The following NPEPPS variants were observed in gnomAD, a reference collection of about 807,000 sequenced individuals.
NPEPPS encodes puromycin-sensitive aminopeptidase.
A neutral mutation model predicts 115.5 loss-of-function variants in NPEPPS; 14 were observed. The observed-to-expected ratio is 0.12, with a 90% CI of 0.08 to 0.19. The LOEUF (loss-of-function observed/expected upper bound fraction) is 0.19, where lower values mean the gene tolerates loss of function less well. Ranked by LOEUF, NPEPPS falls within the 10% of genes least tolerant of loss-of-function variation. The pLI, the probability that NPEPPS is intolerant of heterozygous loss-of-function variation, is 1.00. For missense variants in NPEPPS, 523 were observed against 1,110.8 expected, an observed-to-expected ratio of 0.47 and a Z score of 7.52; for synonymous variants, 285 against 390.6, an observed-to-expected ratio of 0.73 and a Z score of 3.19.
chr17:47,593,487 G>A (rs1421642453), intron 12 of NPEPPS, among the ~76,000 whole-genome samples: 2 of 152,120 alleles, frequency 1.3e-5, no homozygotes, highest in Admixed American at 6.5e-5. Context: ...TTGAGCCCAG[G>A]AGTTTGAGGT....
At chr17:47,602,847 G>A (rs1913299585) in intron 15 of NPEPPS, among the ~76,000 whole-genome samples, 1 of 151,418 alleles carries the variant, frequency 6.6e-6, no homozygotes, top group Admixed American at 6.6e-5. Context: ...TATACTCACT[G>A]GAATATTACC....
chr17:47,566,491 G>A (rs1052653929), intron 2 of NPEPPS, among the ~76,000 whole-genome samples: 2 of 147,954 alleles, frequency 1.4e-5, no homozygotes, highest in African/African-American at 4.9e-5. Flanking sequence ...TTATTCAACA[G>A]CTGTAGGTTT....
chr17:47,530,638 T>G (rs1484534244), upstream of NPEPPS, among the ~76,000 whole-genome samples: 2 of 152,108 alleles, frequency 1.3e-5, no homozygotes, highest in African/African-American at 2.4e-5. Flanking sequence ...ATTACAGGCG[T>G]GAGACACTGC....
chr17:47,547,518 G>A (rs1202112770), intron 2 of NPEPPS, among the ~76,000 whole-genome samples: 1 of 151,892 alleles, frequency 6.6e-6, no homozygotes, highest in African/African-American at 2.4e-5. Context: ...GCTAATATTC[G>A]TATTTGTATT....
At chr17:47,611,473 A>G (rs917775659) in intron 17 of NPEPPS, among the ~76,000 whole-genome samples, 12 of 151,332 alleles carry the variant, frequency 7.9e-5, no homozygotes, top group East Asian at 4.0e-4. Flanking sequence ...AAAAAAAAAA[A>G]AGAGACAAGG....
rs967533572 is a variant in NPEPPS, at chr17:47,578,216, A to G, written c.419-1174A>G. Among the ~76,000 whole-genome samples, 12 of 147,156 alleles carry G rather than the reference A, an allele frequency of 8.2e-5. No individual in the cohort carries two copies. The East Asian group carries it at 1.2e-3, about 15-fold the overall frequency. ...GCCTCTGTCTCAAAAAAAAAAAAAA[A>G]AGAGAGAAAGTCACAACATTTTGAA... On this transcript the variant is annotated intron_variant, in intron 3 of 22. Coordinates refer to ENST00000322157, the MANE Select transcript of NPEPPS (RefSeq NM_006310.4).
At chr17:47,580,172 C>G (rs1474640300) in intron 4 of NPEPPS, 1 of 152,022 alleles carries the variant, frequency 6.6e-6, no homozygotes, top group African/African-American at 2.4e-5. Context: ...CTGCCCATAT[C>G]CCTATATTGT....
intron 2 of NPEPPS, among the ~76,000 whole-genome samples, chr17:47,548,771 T>C (rs1473452159): frequency 6.6e-6 from 1 of 151,578 alleles, no homozygotes; most frequent in Admixed American, 6.6e-5. Flanking sequence ...GAGATGGGGT[T>C]TCACCATGTT....
intron 1 of NPEPPS, among the ~76,000 whole-genome samples, chr17:47,542,415 A>G (rs1265895072): frequency 6.6e-6 from 1 of 152,010 alleles, no homozygotes; most frequent in African/African-American, 2.4e-5. Context: ...GCGTAGTGGC[A>G]CATGCCTGTA....
chr17:47,546,007 T>C lies in NPEPPS; in HGVS notation c.340+14T>C, dbSNP rs763040154. ...AAGGAGATGAAGGTAAGAGCTGTTT[T>C]CCATTTTAATTTGCTGTCTGCATGT... On this transcript the variant is annotated intron_variant, in intron 2 of 22. Coordinates refer to ENST00000322157, the MANE Select transcript of NPEPPS (RefSeq NM_006310.4). The C allele has an allele frequency of 6.5e-6, 10 of 1,527,034 alleles. No individual in the cohort carries two copies. Among genetic ancestry groups the C allele is most frequent in the Non-Finnish European group, 7.0e-6 (8 of 1,135,088 alleles). The allele number at this position is 1,527,034 out of a possible 1,614,324, so 94.6% of individuals were successfully genotyped here.
In NPEPPS at chr17:47,571,830, A is replaced by G. The variant is rs1481478112; in HGVS notation, c.418+2336A>G. Among the ~76,000 whole-genome samples, 4 of 152,206 alleles carry G rather than the reference A, an allele frequency of 2.6e-5. No individual in the cohort carries two copies. The East Asian group carries it at 7.7e-4, about 29-fold the overall frequency. On this transcript the variant is annotated intron_variant, in intron 3 of 22. Coordinates refer to ENST00000322157, the MANE Select transcript of NPEPPS (RefSeq NM_006310.4). ...ATTCTTCTGCTGCATTGTCTGGTGA[A>G]TCTGTCTAGAAATATTCCTATGTAT...
chr17:47,622,859 A>G lies in NPEPPS; in HGVS notation c.*939A>G, dbSNP rs1485803622. On this transcript the variant is annotated 3_prime_UTR_variant, in exon 23 of 23. Coordinates refer to ENST00000322157, the MANE Select transcript of NPEPPS (RefSeq NM_006310.4). Reference sequence around the variant, plus strand: ...AGTTGTCTGAAAAGCCAGCTCTTGAACCTCTTCACAACAGTATCAACACTG... The same window carrying G: ...AGTTGTCTGAAAAGCCAGCTCTTGAGCCTCTTCACAACAGTATCAACACTG... The G allele has an allele frequency of 2.2e-6, 1 of 455,560 alleles. No homozygotes were observed. Among genetic ancestry groups the G allele is most frequent in the Admixed American group, 2.4e-5 (1 of 42,460 alleles). The allele number at this position is 455,560 out of a possible 1,614,324, so 28.2% of individuals were successfully genotyped here.
At chr17:47,537,567 CCT>C (rs199600806) in intron 1 of NPEPPS, among the ~76,000 whole-genome samples, 3,081 of 152,124 alleles carry the variant, frequency 0.02, 91 homozygotes, top group East Asian at 0.16. Context: ...GTGGCACATG[CCT>C]GTAATCCCAG....
Position 47,587,320 on chromosome 17 carries a change from A to G in NPEPPS, c.1071A>G (p.Gln357=), listed in dbSNP as rs145829042. 2,473 of 1,604,692 alleles carry G rather than the reference A, an allele frequency of 1.5e-3. 30 individuals carry two copies. The African/African-American group carries it at 0.023, about 15-fold the overall frequency. The part of the protein sequence containing the change: ...ALVVGHELAH[Q]WFGNLVTMEW... ...TTGTGGGACATGAACTCGCCCATCA[A>G]TGGTTTGGAAATCTTGTTACTATGG... Residue 357 remains glutamine, a synonymous_variant, in exon 9 of 23, where the codon CAA becomes CAG. Transcript: ENST00000322157.
intron 18 of NPEPPS, among the ~76,000 whole-genome samples, chr17:47,613,031 GTCTAAC>G (rs1913974169): frequency 1.3e-5 from 2 of 151,884 alleles, no homozygotes; most frequent in African/African-American, 2.4e-5. Flanking sequence ...CACAAACCAC[GTCTAAC>G]TCTATTTTAA....
chr17:47,615,534 G>A (rs988675970), intron 19 of NPEPPS, among the ~76,000 whole-genome samples: 7 of 152,112 alleles, frequency 4.6e-5, no homozygotes, highest in South Asian at 2.1e-4. Context: ...TCCAGCCTGC[G>A]TGACAGAGCA....
intron 17 of NPEPPS, among the ~76,000 whole-genome samples, chr17:47,609,191 T>G (rs932833171): frequency 6.6e-6 from 1 of 152,162 alleles, no homozygotes; most frequent in African/African-American, 2.4e-5. Context: ...GAGAGAGGGC[T>G]TATTGCTATA....
chr17:47,605,588 G>A, intron 17 of NPEPPS, 36 bp downstream of exon 17: 1 of 1,316,024 alleles, frequency 7.6e-7, no homozygotes, highest in Non-Finnish European at 1.1e-6. Context: ...GAATTACGCA[G>A]AAGTTGGTAC....
chr17:47,561,862 CAGAG>C (rs1018068908), intron 2 of NPEPPS, among the ~76,000 whole-genome samples: 1 of 152,240 alleles, frequency 6.6e-6, no homozygotes, highest in Non-Finnish European at 1.5e-5. Flanking sequence ...AGACTCTGAA[CAGAG>C]AGACCTTGCT....
Sources: allele counts gnomAD v4.1 joint callset (sites outside exome capture counted in the v4.1 genomes callset), GRCh38; gene constraint gnomAD v4.1.1; transcripts MANE v1.5; gene names NCBI Gene and HGNC (gene_info 2026-07-23, HGNC 2026-07-21).